Variants in GAB2 observed in about 807,000 individuals in gnomAD.
GAB2 encodes GRB2-associated-binding protein 2.
A neutral mutation model predicts 65.5 loss-of-function variants in GAB2; 26 were observed. The ratio of observed to expected loss-of-function variants is 0.40; its 90% CI spans 0.29 to 0.55. The LOEUF (loss-of-function observed/expected upper bound fraction) is 0.55. GAB2 is among the 20% of genes least tolerant of loss of function. The probability of loss-of-function intolerance (pLI) is 0.53; values close to 1 mark genes in which losing one functional copy is unlikely to be tolerated. For missense variants in GAB2, 884 were observed against 875.8 expected (o/e 1.01, Z -0.12); for synonymous variants, 321 against 329.6 (o/e 0.97, Z 0.28).
At chr11:78,341,023 C>T (rs1265300711) in intron 1 of GAB2, among the ~76,000 whole-genome samples, 1 of 152,186 alleles carries the variant, frequency 6.6e-6, no homozygotes, top group Non-Finnish European at 1.5e-5. Context: ...TTCAAAGATG[C>T]TCTTTCTTGA....
intron 1 of GAB2, among the ~76,000 whole-genome samples, chr11:78,289,840 T>TTA (rs1554984002): frequency 4.8e-5 from 7 of 144,530 alleles, no homozygotes; most frequent in Admixed American, 1.4e-4. Flanking sequence ...TTTTTTTTTT[T>TTA]AAATACAACA....
intron 1 of GAB2, among the ~76,000 whole-genome samples, chr11:78,284,579 G>A (rs1866423121): frequency 6.6e-6 from 1 of 152,074 alleles, no homozygotes; most frequent in Non-Finnish European, 1.5e-5. Flanking sequence ...GTTGTTTCCT[G>A]GCCCTGGAAC....
intron 1 of GAB2, among the ~76,000 whole-genome samples, chr11:78,409,132 T>C (rs1857092142): frequency 6.6e-6 from 1 of 152,184 alleles, no homozygotes; most frequent in Admixed American, 6.5e-5. Context: ...TCATCAGATA[T>C]AGGCTATAAT....
chr11:78,252,044 G>A (rs910457217), intron 2 of GAB2, among the ~76,000 whole-genome samples: 2 of 152,226 alleles, frequency 1.3e-5, no homozygotes, highest in African/African-American at 2.4e-5. Context: ...GTGGGTTAAC[G>A]TTGTGGTGGT....
chr11:78,335,742 T>C (rs980480521), intron 1 of GAB2, among the ~76,000 whole-genome samples: 1 of 152,194 alleles, frequency 6.6e-6, no homozygotes, highest in African/African-American at 2.4e-5. Context: ...TGATTCCATA[T>C]AAATTTTAGA....
intron 1 of GAB2, among the ~76,000 whole-genome samples, chr11:78,308,881 T>C (rs1855428445): frequency 6.6e-6 from 1 of 152,140 alleles, no homozygotes; most frequent in South Asian, 2.1e-4. Context: ...GTATATATTA[T>C]ATATAATTTT....
chr11:78,294,563 C>T lies in GAB2; in HGVS notation c.76-13662G>A, dbSNP rs561525814. On this transcript the variant is annotated intron_variant, in intron 1 of 9. Transcript: ENST00000361507. ...TAAAAGTGTTCCCATTTCTCCACATCCTCTCCAGCACCTGTTGTTTCCTGA... is the reference window on the plus strand; with the variant it reads ...TAAAAGTGTTCCCATTTCTCCACATTCTCTCCAGCACCTGTTGTTTCCTGA... Among the ~76,000 whole-genome samples, 13 of 152,336 alleles carry T rather than the reference C, an allele frequency of 8.5e-5. No individual in the cohort carries two copies. The South Asian group carries it at 2.7e-3, about 32-fold the overall frequency.
intron 1 of GAB2, among the ~76,000 whole-genome samples, chr11:78,362,978 T>G (rs986740016): frequency 2.6e-5 from 4 of 152,148 alleles, no homozygotes; most frequent in Non-Finnish European, 4.4e-5. Flanking sequence ...AAGCAAGAAT[T>G]GCCATTACTA....
intron 1 of GAB2, among the ~76,000 whole-genome samples, chr11:78,328,339 G>C (rs1298928630): frequency 6.6e-6 from 1 of 152,148 alleles, no homozygotes; most frequent in Non-Finnish European, 1.5e-5. Flanking sequence ...GCCGCGGAAG[G>C]CTTTTTAAAA....
intron 2 of GAB2, among the ~76,000 whole-genome samples, chr11:78,255,365 T>C (rs1400734903): frequency 6.6e-6 from 1 of 152,196 alleles, no homozygotes; most frequent in Non-Finnish European, 1.5e-5. Flanking sequence ...CACTTTGTGG[T>C]AATTTGTCAT....
chr11:78,292,359 A>G (rs1031068173), intron 1 of GAB2, among the ~76,000 whole-genome samples: 1 of 152,240 alleles, frequency 6.6e-6, no homozygotes, highest in Non-Finnish European at 1.5e-5. Context: ...ATTTGGTATC[A>G]GAAAAGATGA....
At chr11:78,333,618 AAAAC>A (rs1855951509) in intron 1 of GAB2, among the ~76,000 whole-genome samples, 1 of 152,182 alleles carries the variant, frequency 6.6e-6, no homozygotes, top group African/African-American at 2.4e-5. Flanking sequence ...GACAGACTGA[AAAAC>A]AAAATGTAGG....
intron 3 of GAB2, among the ~76,000 whole-genome samples, chr11:78,230,495 T>G (rs1864809126): frequency 6.6e-6 from 1 of 152,276 alleles, no homozygotes; most frequent in Non-Finnish European, 1.5e-5. Flanking sequence ...CCTTCCTCTG[T>G]GCTACCACAG....
chr11:78,308,336 C>T (rs887771121), intron 1 of GAB2, among the ~76,000 whole-genome samples: 7 of 152,190 alleles, frequency 4.6e-5, no homozygotes, highest in Middle Eastern at 3.4e-3. Flanking sequence ...CACTGCACTC[C>T]AGGCTGGGTG....
intron 1 of GAB2, among the ~76,000 whole-genome samples, chr11:78,307,505 C>A (rs1855388270): frequency 6.6e-6 from 1 of 151,738 alleles, no homozygotes; most frequent in African/African-American, 2.4e-5. Flanking sequence ...CACCTGTAAT[C>A]CCAGCACTTT....
At chr11:78,410,000 T>G (rs1857106024) in intron 1 of GAB2, among the ~76,000 whole-genome samples, 1 of 152,046 alleles carries the variant, frequency 6.6e-6, no homozygotes, top group Admixed American at 6.5e-5. Flanking sequence ...ATTTGGAAAC[T>G]AAACAATGTA....
At chr11:78,265,209 T>TATATATATAC (rs778515131) in intron 2 of GAB2, among the ~76,000 whole-genome samples, 1 of 90,222 alleles carries the variant, frequency 1.1e-5, no homozygotes, top group Non-Finnish European at 2.1e-5. Flanking sequence ...ACCACATATA[T>TATATATATAC]ATATATATAT....
chr11:78,277,230 CCATTTGGTTTTTGGTTA>C (rs1201286153), intron 2 of GAB2, among the ~76,000 whole-genome samples: 1 of 152,274 alleles, frequency 6.6e-6, no homozygotes, highest in African/African-American at 2.4e-5. Flanking sequence ...CAATTAAAAG[CCATTTGGTTTTTGGTTA>C]CATTTTCCCC....
At chr11:78,403,944 G>A (rs1857007041) in intron 1 of GAB2, among the ~76,000 whole-genome samples, 1 of 152,036 alleles carries the variant, frequency 6.6e-6, no homozygotes, top group South Asian at 2.1e-4. Flanking sequence ...CAGAAAAAAA[G>A]ACAAGTGATA....
Sources: gnomAD v4.1 joint callset for allele counts (sites outside exome capture counted in the v4.1 genomes callset) on GRCh38, gnomAD v4.1.1 for gene constraint, MANE v1.5 for transcripts, NCBI Gene and HGNC (gene_info 2026-07-23, HGNC 2026-07-21) for gene names.